CELF2: variants seen among roughly 807,000 people sequenced by gnomAD.
CELF2 encodes the protein CUGBP Elav-like family member 2.
Under a neutral mutation model 62.6 loss-of-function variants are expected in CELF2, and 8 were observed. That is an observed-to-expected ratio of 0.13 (90% confidence interval 0.07 to 0.23). CELF2 has a LOEUF of 0.23. Ranked by LOEUF, CELF2 falls within the 10% of genes least tolerant of loss-of-function variation. The probability of loss-of-function intolerance (pLI) is 1.00; values close to 1 mark genes in which losing one functional copy is unlikely to be tolerated. For synonymous variants in CELF2, 258 were observed against 250.0 expected, an observed-to-expected ratio of 1.03 and a Z score of -0.30; for missense variants, 333 against 671.0, an observed-to-expected ratio of 0.50 and a Z score of 5.56.
chr10:10,713,965 G>T, the CELF2 span, among the ~76,000 whole-genome samples: 1 of 152,164 alleles, frequency 6.6e-6, no homozygotes, highest in Non-Finnish European at 1.5e-5. Context: ...AACCTGGGAG[G>T]TGAAGATTCC....
chr10:10,490,236 C>T, the CELF2 span, among the ~76,000 whole-genome samples: 3 of 152,024 alleles, frequency 2.0e-5, no homozygotes, highest in African/African-American at 4.8e-5. Flanking sequence ...AGAAACAATC[C>T]TATTATTCGA....
At chr10:10,651,626 G>T in the CELF2 span, among the ~76,000 whole-genome samples, 2 of 144,164 alleles carry the variant, frequency 1.4e-5, no homozygotes, top group African/African-American at 5.2e-5. Context: ...CACCTCACAC[G>T]GCAGGGTATT....
chr10:10,499,331 G>C, the CELF2 span, among the ~76,000 whole-genome samples: 1 of 152,106 alleles, frequency 6.6e-6, no homozygotes, highest in Non-Finnish European at 1.5e-5. Flanking sequence ...CTCCCGAAGT[G>C]CTGGGATTAC....
chr10:10,502,005 C>G, the CELF2 span, among the ~76,000 whole-genome samples: 1 of 152,046 alleles, frequency 6.6e-6, no homozygotes, highest in Admixed American at 6.6e-5. Context: ...TTTTCTGTAT[C>G]AACTGGTGTT....
At chr10:10,916,524 T>C (rs2064340665) in intron 1 of CELF2, among the ~76,000 whole-genome samples, 2 of 152,240 alleles carry the variant, frequency 1.3e-5, no homozygotes, top group African/African-American at 2.4e-5. Flanking sequence ...GCCAACACCT[T>C]TGTCTTTGAA....
chr10:10,480,377 C>T, the CELF2 span, among the ~76,000 whole-genome samples: 1 of 152,092 alleles, frequency 6.6e-6, no homozygotes, highest in Non-Finnish European at 1.5e-5. Context: ...CCTTATCTAA[C>T]AGAACTCTTT....
intron 1 of CELF2, among the ~76,000 whole-genome samples, chr10:11,052,981 G>T (rs1018277249): frequency 3.9e-5 from 6 of 151,990 alleles, no homozygotes; most frequent in South Asian, 2.1e-4. Context: ...CTTCCATTTT[G>T]ATTACAGCCT....
At chr10:10,989,853 G>T (rs985559638) in intron 2 of CELF2, among the ~76,000 whole-genome samples, 1 of 151,872 alleles carries the variant, frequency 6.6e-6, no homozygotes, top group Non-Finnish European at 1.5e-5. Flanking sequence ...GTAGACAAAG[G>T]ACAATAAACA....
At chr10:10,605,550 A>C in the CELF2 span, among the ~76,000 whole-genome samples, 1 of 152,224 alleles carries the variant, frequency 6.6e-6, no homozygotes, top group African/African-American at 2.4e-5. Context: ...TGGTTGACTT[A>C]TTGGGCAAAT....
At position 10,930,828 on chromosome 10, in the gene CELF2, C is replaced by T. The variant is rs551095198; in HGVS notation, c.89+10829C>T. Among the ~76,000 whole-genome samples, 5 of 152,292 alleles carry T rather than the reference C, an allele frequency of 3.3e-5. 2 individuals carry two copies. The East Asian group carries it at 9.6e-4, about 29-fold the overall frequency. On this transcript the variant is annotated intron_variant, in intron 2 of 13. Transcript: ENST00000636488. The stretch of plus-strand genomic sequence containing the variant: ...CATTCTATATTAAATACAATATTCT[C>T]ATCTTTACTTAATAACTTTTGTAGT...
chr10:11,231,349 T>G (rs1163911553), intron 3 of CELF2, among the ~76,000 whole-genome samples: 1 of 152,204 alleles, frequency 6.6e-6, no homozygotes, highest in Non-Finnish European at 1.5e-5. Flanking sequence ...TGCTGCTTAT[T>G]AGACCAGCAT....
the CELF2 span, among the ~76,000 whole-genome samples, chr10:10,700,413 G>T: frequency 6.6e-6 from 1 of 152,160 alleles, no homozygotes; most frequent in Admixed American, 6.5e-5. Flanking sequence ...ATTGTTATAT[G>T]GATTGTTTTG....
the CELF2 span, among the ~76,000 whole-genome samples, chr10:10,697,477 C>T: frequency 6.6e-6 from 1 of 152,168 alleles, no homozygotes; most frequent in Non-Finnish European, 1.5e-5. Flanking sequence ...ATATCTTAGT[C>T]TGTTCGGGCT....
chr10:11,232,188 T>G (rs970836129), intron 3 of CELF2, among the ~76,000 whole-genome samples: 1 of 151,246 alleles, frequency 6.6e-6, no homozygotes, highest in Non-Finnish European at 1.5e-5. Flanking sequence ...TTCCCCTTCC[T>G]GTGTCCATGT....
the CELF2 span, among the ~76,000 whole-genome samples, chr10:10,665,887 C>T: frequency 1.3e-5 from 2 of 152,096 alleles, no homozygotes; most frequent in African/African-American, 4.8e-5. Flanking sequence ...CAAGCCTATC[C>T]CATACAATCA....
chr10:10,932,010 C>T (rs536575546), intron 2 of CELF2, among the ~76,000 whole-genome samples: 14 of 152,224 alleles, frequency 9.2e-5, no homozygotes, highest in African/African-American at 1.2e-4. Context: ...AAGACCTGCC[C>T]CCATGATTCC....
At chr10:10,988,008 G>A (rs2052984224) in intron 2 of CELF2, among the ~76,000 whole-genome samples, 1 of 152,088 alleles carries the variant, frequency 6.6e-6, no homozygotes, top group South Asian at 2.1e-4. Flanking sequence ...TTACACAGCT[G>A]GTGGGAATGC....
rs1322506179 is a variant in CELF2, at chr10:11,309,894, A to G, written c.977-4245A>G. On this transcript the variant is annotated intron_variant, in intron 9 of 12. Transcript: ENST00000633077. The surrounding 1 kb of genome is among the most constrained non-coding windows in gnomAD (Gnocchi z 5.6). ...ATTAGTTATCCTTAGGGGAAGTTACAGAGCCCTTTGTTCTTGTGACCTGTC... is the reference window on the plus strand; with the variant it reads ...ATTAGTTATCCTTAGGGGAAGTTACGGAGCCCTTTGTTCTTGTGACCTGTC... Among the ~76,000 whole-genome samples the G allele has an allele frequency of 6.6e-6, 1 of 152,258 alleles. No individual in the cohort carries two copies. Among genetic ancestry groups the G allele is most frequent in the Admixed American group, 6.5e-5 (1 of 15,288 alleles).
intron 1 of CELF2, among the ~76,000 whole-genome samples, chr10:11,153,182 T>A (rs77589460): frequency 0.059 from 9,006 of 152,284 alleles, 316 homozygotes; most frequent in African/African-American, 0.1. Flanking sequence ...CCACCACATT[T>A]AAGCCATTCT....
Sources: allele counts gnomAD v4.1 joint callset (sites outside exome capture counted in the v4.1 genomes callset), GRCh38; gene constraint gnomAD v4.1.1; non-coding constraint Gnocchi (gnomAD v3.1); transcripts MANE v1.5; gene names NCBI Gene and HGNC (gene_info 2026-07-23, HGNC 2026-07-21).